SEMA3E: variants seen among roughly 807,000 people sequenced by gnomAD.
SEMA3E encodes semaphorin-3E.
A neutral mutation model predicts 93.6 loss-of-function variants in SEMA3E; 49 were observed. That is an observed-to-expected ratio of 0.52 (90% CI 0.42 to 0.66). The LOEUF (loss-of-function observed/expected upper bound fraction) is 0.66. Ranked by LOEUF, SEMA3E falls within the 30% of genes least tolerant of loss-of-function variation. The pLI is 0.00. For missense variants in SEMA3E, 906 were observed against 964.8 expected (o/e 0.94, Z 0.81); for synonymous variants, 363 against 330.7 (o/e 1.10, Z -1.06).
At chr7:83,630,162 G>T (rs1793758288) in intron 1 of SEMA3E, among the ~76,000 whole-genome samples, 1 of 152,144 alleles carries the variant, frequency 6.6e-6, no homozygotes, top group Admixed American at 6.6e-5. Context: ...ACCTCAGTTG[G>T]AAATGCAGAA....
chr7:83,533,814 G>C (rs1554335773), intron 1 of SEMA3E, among the ~76,000 whole-genome samples: 1 of 152,054 alleles, frequency 6.6e-6, no homozygotes, highest in Non-Finnish European at 1.5e-5. Context: ...ATTTGGAATT[G>C]TGGCTGGCTG....
chr7:83,618,604 C>G (rs889411702), intron 1 of SEMA3E, among the ~76,000 whole-genome samples: 1 of 151,766 alleles, frequency 6.6e-6, no homozygotes, highest in African/African-American at 2.4e-5. Context: ...TAAAATTTAC[C>G]TCAATGACTT....
At chr7:83,490,311 G>T in intron 1 of SEMA3E, 37 bp from the exon 2 acceptor site, 1 of 1,601,222 alleles carries the variant, frequency 6.2e-7, no homozygotes, top group South Asian at 1.1e-5. Context: ...AAGCACACGA[G>T]AAAATGTAAA....
chr7:83,565,247 A>T (rs756163860), intron 1 of SEMA3E, among the ~76,000 whole-genome samples: 12 of 152,216 alleles, frequency 7.9e-5, no homozygotes, highest in Non-Finnish European at 1.5e-4. Context: ...CTTTGCAGGG[A>T]CACGGATGAA....
At chr7:83,647,024 A>G (rs1178387087) in intron 1 of SEMA3E, among the ~76,000 whole-genome samples, 3 of 152,082 alleles carry the variant, frequency 2.0e-5, no homozygotes, top group Non-Finnish European at 4.4e-5. Flanking sequence ...GACATCTTTG[A>G]TGATAAACTT....
chr7:83,398,440 AT>A (rs1038612811), intron 11 of SEMA3E, among the ~76,000 whole-genome samples: 8 of 152,168 alleles, frequency 5.3e-5, no homozygotes, highest in African/African-American at 1.7e-4. Context: ...ACTTTTAAAA[AT>A]TTTGTTGGAA....
intron 1 of SEMA3E, among the ~76,000 whole-genome samples, chr7:83,633,095 T>C (rs553496637): frequency 2.6e-5 from 4 of 152,282 alleles, no homozygotes; most frequent in Admixed American, 2.6e-4. Context: ...GCTAAATCCA[T>C]AGGTTGATTT....
Position 83,368,564 on chromosome 7 carries a change from A to C in SEMA3E, c.1876-526T>G, listed in dbSNP as rs533905990. The stretch of plus-strand genomic sequence containing the variant: ...CCTTTCACTTTGTCGTCTTACAAAA[A>C]AATTCATCAGTTAATCAGTTCAGTG... On this transcript the variant is annotated intron_variant, in intron 16 of 16. Coordinates refer to ENST00000643230, the MANE Select transcript of SEMA3E (RefSeq NM_012431.3). 7.2e-5 allele frequency among the ~76,000 whole-genome samples: 11 copies of C among 152,302 alleles called. No homozygotes were observed. The South Asian group carries it at 2.3e-3, about 32-fold the overall frequency.
intron 1 of SEMA3E, among the ~76,000 whole-genome samples, chr7:83,571,896 G>A (rs1254746413): frequency 2.0e-5 from 3 of 152,062 alleles, no homozygotes; most frequent in African/African-American, 7.2e-5. Context: ...CAAAATCAAT[G>A]TATAAACATC....
rs963510084 is a variant in SEMA3E, at chr7:83,589,318, T to C, written c.115+59110A>G. Among the ~76,000 whole-genome samples, 26 of 152,186 alleles carry C rather than the reference T, an allele frequency of 1.7e-4. 1 individual carries two copies. Among genetic ancestry groups the C allele is most frequent in the Admixed American group, 9.2e-4 (14 of 15,260 alleles). ...AGTGAGTTTCTTTCCTACCTGAGAT[T>C]ATTATTTATCCAGATATCTATCCAG... On this transcript the variant is annotated intron_variant, in intron 1 of 16. Coordinates refer to ENST00000643230, the MANE Select transcript of SEMA3E (RefSeq NM_012431.3).
At chr7:83,429,752 A>C (rs1313957087) in intron 4 of SEMA3E, among the ~76,000 whole-genome samples, 1 of 152,118 alleles carries the variant, frequency 6.6e-6, no homozygotes, top group Admixed American at 6.6e-5. Context: ...GACTTTCTTT[A>C]AAGTTGCATG....
intron 1 of SEMA3E, among the ~76,000 whole-genome samples, chr7:83,575,026 A>G (rs533640181): frequency 1.0e-3 from 156 of 152,336 alleles, no homozygotes; most frequent in Non-Finnish European, 1.5e-3. Context: ...ATGAGAAATC[A>G]AACAAGTTAA....
chr7:83,616,968 A>G (rs1471932252), intron 1 of SEMA3E, among the ~76,000 whole-genome samples: 2 of 151,644 alleles, frequency 1.3e-5, no homozygotes, highest in African/African-American at 4.8e-5. Flanking sequence ...CAGGTGATCC[A>G]CCCACCTTGG....
At chr7:83,399,261 TA>T (rs2115612439) in intron 11 of SEMA3E, among the ~76,000 whole-genome samples, 1 of 152,332 alleles carries the variant, frequency 6.6e-6, no homozygotes, top group South Asian at 2.1e-4. Flanking sequence ...AAGAATTTGC[TA>T]CATACTACTT....
At chr7:83,560,245 G>A (rs1183401628) in intron 1 of SEMA3E, among the ~76,000 whole-genome samples, 1 of 152,030 alleles carries the variant, frequency 6.6e-6, no homozygotes, top group Non-Finnish European at 1.5e-5. Flanking sequence ...TGTCAATGTA[G>A]GTTCATCAGT....
chr7:83,405,584 T>A, intron 8 of SEMA3E, 65 bp from the exon 9 acceptor site: 1 of 1,271,112 alleles, frequency 7.9e-7, no homozygotes, highest in South Asian at 1.2e-5. Context: ...AAAGAAAATT[T>A]ATTCACCTAA....
At chr7:83,609,974 C>T (rs146204167) in intron 1 of SEMA3E, among the ~76,000 whole-genome samples, 1,592 of 151,670 alleles carry the variant, frequency 0.01, 26 homozygotes, top group African/African-American at 0.036. Context: ...GGAAATTAAA[C>T]GAAATACAGT....
chr7:83,426,371 T>A (rs1356858737), intron 4 of SEMA3E, among the ~76,000 whole-genome samples: 1 of 146,894 alleles, frequency 6.8e-6, no homozygotes, highest in Non-Finnish European at 1.5e-5. Context: ...GTGATACATA[T>A]ACACCATGGA....
chr7:83,534,387 A>C (rs952063133), intron 1 of SEMA3E, among the ~76,000 whole-genome samples: 1 of 152,178 alleles, frequency 6.6e-6, no homozygotes, highest in Non-Finnish European at 1.5e-5. Context: ...TTGGGTTTCT[A>C]AGGACTATGG....
Sources: allele counts gnomAD v4.1 joint callset (sites outside exome capture counted in the v4.1 genomes callset), GRCh38; gene constraint gnomAD v4.1.1; transcripts MANE v1.5; gene names NCBI Gene and HGNC (gene_info 2026-07-23, HGNC 2026-07-21).